ACOT11: variants seen among roughly 807,000 people sequenced by gnomAD.
The protein encoded by ACOT11 is acyl-CoA thioesterase 11.
ACOT11 carries 69 observed loss-of-function variants against 77.5 expected under a neutral mutation model. That is an observed-to-expected ratio of 0.89 (90% CI 0.73 to 1.09). ACOT11 has a LOEUF of 1.09. Ranked by LOEUF, ACOT11 falls within the 50% of genes least tolerant of loss-of-function variation. ACOT11 has a pLI of 0.00. For synonymous variants in ACOT11, 279 were observed against 313.0 expected (o/e 0.89, Z 1.15); for missense variants, 766 against 813.7 (o/e 0.94, Z 0.71).
At chr1:54,554,891 A>G (rs1004857738) in intron 1 of ACOT11, among the ~76,000 whole-genome samples, 1 of 152,194 alleles carries the variant, frequency 6.6e-6, no homozygotes, top group Non-Finnish European at 1.5e-5. Flanking sequence ...TTACATTCCC[A>G]TGAACAGTGT....
chr1:54,605,675 CAA>C (rs1644016544), intron 13 of ACOT11, among the ~76,000 whole-genome samples: 1 of 152,080 alleles, frequency 6.6e-6, no homozygotes, highest in Non-Finnish European at 1.5e-5. Context: ...TTGAACTTAC[CAA>C]GTTTGCTGAT....
chr1:54,636,333 A>G (rs984986019), exon 17 of ACOT11: 1 of 152,254 alleles, frequency 6.6e-6, no homozygotes, highest in African/African-American at 2.4e-5. Flanking sequence ...ATAGGATAAT[A>G]GTGGAGAGAA....
At chr1:54,617,236 T>G (rs1644182131) in intron 15 of ACOT11, among the ~76,000 whole-genome samples, 1 of 152,122 alleles carries the variant, frequency 6.6e-6, no homozygotes, top group African/African-American at 2.4e-5. Context: ...TAGATAATCA[T>G]GCAAGGGGCA....
chr1:54,601,025 G>T (rs1643954529), intron 8 of ACOT11, among the ~76,000 whole-genome samples: 1 of 152,164 alleles, frequency 6.6e-6, no homozygotes, highest in South Asian at 2.1e-4. Context: ...CAGGTGTCCT[G>T]TCACTGGGAC....
chr1:54,597,438 C>T (rs1352641350), intron 7 of ACOT11, 23 bp downstream of exon 7: 2 of 1,589,240 alleles, frequency 1.3e-6, no homozygotes, highest in East Asian at 4.5e-5. Context: ...TGTGCTGCCT[C>T]TGCCTCCCCT....
chr1:54,600,688 AAATAAAGG>A (rs1191982001), intron 8 of ACOT11, among the ~76,000 whole-genome samples: 2 of 152,202 alleles, frequency 1.3e-5, no homozygotes, highest in Non-Finnish European at 2.9e-5. Flanking sequence ...CTCAAAAAAT[AAATAAAGG>A]AATAAAGAAA....
chr1:54,636,609 A>T (rs1404385404), exon 17 of ACOT11: 1 of 150,402 alleles, frequency 6.6e-6, no homozygotes, highest in African/African-American at 2.4e-5. Context: ...CTCTTATCTC[A>T]ACTGCAAAGA....
At chr1:54,616,221 A>T in intron 15 of ACOT11, 1 of 1,516,074 alleles carries the variant, frequency 6.6e-7, no homozygotes, top group Non-Finnish European at 9.0e-7. Flanking sequence ...AAAAAAAGAA[A>T]ACTTCTTTCT....
exon 17 of ACOT11, chr1:54,636,556 AGAC>A (rs1644331540): frequency 6.6e-6 from 1 of 152,266 alleles, no homozygotes; most frequent in African/African-American, 2.4e-5. Flanking sequence ...CTTTACACCC[AGAC>A]ATTCCATTGC....
intron 11 of ACOT11, 147 bp downstream of exon 11, chr1:54,604,084 C>G (rs1254769990): frequency 2.5e-6 from 2 of 789,898 alleles, no homozygotes; most frequent in Non-Finnish European, 4.1e-6. Context: ...AAAGAGCTGG[C>G]CTGCGTCCCT....
At chr1:54,564,515 G>A (rs1422370959) in intron 1 of ACOT11, among the ~76,000 whole-genome samples, 1 of 152,244 alleles carries the variant, frequency 6.6e-6, no homozygotes, top group East Asian at 1.9e-4. Context: ...GCCAGACGTG[G>A]ACTCGGTGAG....
chr1:54,562,292 C>T lies in ACOT11; in HGVS notation c.33+13950C>T, dbSNP rs1364805477. On this transcript the variant is annotated intron_variant, in intron 1 of 15. Transcript: ENST00000343744. ...GCTGACCCCCCACCTCCCTCCCGGA[C>T]GGGGCGGCTGGCCGGGTGGGGGGGC... 2.7e-3 allele frequency among the ~76,000 whole-genome samples: 278 copies of T among 102,922 alleles called. 1 individual carries two copies. The highest frequency in any genetic ancestry group is 3.5e-3 in the Non-Finnish European group (176 of 49,960). The allele number at this position is 102,922 out of a possible 152,430, so 67.5% of individuals were successfully genotyped here. A position where few individuals can be genotyped will look rare whatever the true frequency, so the allele number is the denominator to read the frequency against.
chr1:54,608,871 AC>A, intron 15 of ACOT11, 85 bp from the exon 16 acceptor site: 1 of 1,358,564 alleles, frequency 7.4e-7, no homozygotes, highest in South Asian at 1.3e-5. Flanking sequence ...CTGACTCACC[AC>A]CAGCCTCGTG....
At chr1:54,548,690 G>C (rs1453567827) in intron 1 of ACOT11, 1 of 350,456 alleles carries the variant, frequency 2.9e-6, no homozygotes, top group Non-Finnish European at 5.2e-6. Context: ...ATGGCCTTGT[G>C]GTGCTTCATG....
chr1:54,604,507 C>T (rs750287752), intron 12 of ACOT11, 78 bp downstream of exon 12: 13 of 1,293,676 alleles, frequency 1.0e-5, no homozygotes, highest in Non-Finnish European at 1.3e-5. Flanking sequence ...AGAACTCTCC[C>T]ACACCACTTA....
At chr1:54,585,556 G>T (rs564748857) in intron 2 of ACOT11, among the ~76,000 whole-genome samples, 37 of 152,218 alleles carry the variant, frequency 2.4e-4, no homozygotes, top group African/African-American at 8.9e-4. Context: ...TTCCAGGACT[G>T]GGGTACAGCA....
rs753629000 is a variant in ACOT11 at position 54,604,477 on chromosome 1, G to A, written c.1236+48G>A. ...TTTTCCTTTCTCATCTGAGCCAGAG[G>A]TGGCTAATGGCAAGCAACAAGAACT... On this transcript the variant is annotated intron_variant, in intron 12 of 15. Transcript: ENST00000343744. 1.9e-6 allele frequency: 3 copies of A among 1,552,698 alleles called. No homozygotes were observed. In the African/African-American group the frequency reaches 4.1e-5, roughly 21 times the overall value.
intron 1 of ACOT11, among the ~76,000 whole-genome samples, chr1:54,555,417 T>G (rs921653195): frequency 2.0e-5 from 3 of 152,234 alleles, no homozygotes; most frequent in African/African-American, 7.2e-5. Flanking sequence ...TCAGGTCTTT[T>G]GCCCATTTTA....
chr1:54,632,273 C>T (rs1354267917), intron 16 of ACOT11, among the ~76,000 whole-genome samples: 1 of 152,222 alleles, frequency 6.6e-6, no homozygotes, highest in Non-Finnish European at 1.5e-5. Context: ...GCCATTCCCT[C>T]ACCCCTGTAC....
Sources: gnomAD v4.1 joint callset for allele counts (sites outside exome capture counted in the v4.1 genomes callset) on GRCh38, gnomAD v4.1.1 for gene constraint, MANE v1.5 for transcripts, NCBI Gene and HGNC (gene_info 2026-07-23, HGNC 2026-07-21) for gene names.